The following UBE2N variants were observed in gnomAD, a reference collection of about 807,000 sequenced individuals.
UBE2N encodes the protein ubiquitin conjugating enzyme E2 N.
For synonymous variants in UBE2N, 70 were observed against 69.2 expected (o/e 1.01, Z -0.06); for missense variants, 60 against 192.1 (o/e 0.31, Z 4.07).
intron 1 of UBE2N, among the ~76,000 whole-genome samples, chr12:93,412,381 T>C (rs73366050): frequency 0.13 from 19,066 of 152,260 alleles, 3,836 homozygotes; most frequent in African/African-American, 0.43. Flanking sequence ...TACACTCTGG[T>C]TTTTCTCCTG....
intron 1 of UBE2N, chr12:93,429,340 A>T: frequency 2.4e-6 from 1 of 415,334 alleles, no homozygotes; most frequent in Non-Finnish European, 4.7e-6. Context: ...GATAACTCTA[A>T]CATATTTTTA....
chr12:93,441,353 T>A (rs1267989910), intron 1 of UBE2N: 1 of 153,474 alleles, frequency 6.5e-6, no homozygotes, highest in South Asian at 2.0e-4. Flanking sequence ...GGCCTGACCC[T>A]CCCGGTTCAT....
chr12:93,440,559 T>C (rs1437741857), intron 1 of UBE2N, among the ~76,000 whole-genome samples: 2 of 152,218 alleles, frequency 1.3e-5, no homozygotes, highest in Non-Finnish European at 2.9e-5. Context: ...CAGTACATCA[T>C]CCTCGAAGCC....
At chr12:93,415,761 G>C (rs1400496835) in intron 1 of UBE2N, among the ~76,000 whole-genome samples, 3 of 152,038 alleles carry the variant, frequency 2.0e-5, no homozygotes. Flanking sequence ...AAAAAAGAAA[G>C]CCAGGGCCCA....
At chr12:93,419,555 AATG>A (rs1023306544) in intron 1 of UBE2N, among the ~76,000 whole-genome samples, 205 of 152,052 alleles carry the variant, frequency 1.3e-3, no homozygotes, top group African/African-American at 4.6e-3. Flanking sequence ...AAGCTAACTG[AATG>A]ATGAAGTAAA....
chr12:93,432,292 TA>T (rs1158479519), intron 1 of UBE2N, among the ~76,000 whole-genome samples: 1 of 152,124 alleles, frequency 6.6e-6, no homozygotes, highest in Non-Finnish European at 1.5e-5. Context: ...AAATGCATAT[TA>T]TGCATTCAAT....
chr12:93,423,587 G>C (rs1471319568), intron 1 of UBE2N, among the ~76,000 whole-genome samples: 2 of 152,170 alleles, frequency 1.3e-5, no homozygotes, highest in Non-Finnish European at 2.9e-5. Flanking sequence ...AGGGGGAAGA[G>C]GCTCAAGAGT....
chr12:93,412,204 C>T (rs1436585123), intron 1 of UBE2N, among the ~76,000 whole-genome samples: 1 of 152,138 alleles, frequency 6.6e-6, no homozygotes, highest in Non-Finnish European at 1.5e-5. Flanking sequence ...TTCTCCCTCT[C>T]CCCTAAATAA....
At position 93,426,139 on chromosome 12, in the gene UBE2N, A is replaced by G. The variant is rs562522778; in HGVS notation, c.31-14840T>C. Among the ~76,000 whole-genome samples the G allele has an allele frequency of 9.2e-5, 14 of 152,314 alleles. No homozygotes were observed. The East Asian group carries it at 1.5e-3, about 17-fold the overall frequency. On this transcript the variant is annotated intron_variant, in intron 1 of 3. Transcript: ENST00000318066. ...ATTTCAGATTATCTCGTCCTGCACT[A>G]CTAAGCCAGAAGAGGAAATGATCCA...
At position 93,408,309 on chromosome 12, in the gene UBE2N, T is replaced by G. The variant is rs1420058982; in HGVS notation, c.*1730A>C. The G allele has an allele frequency of 6.6e-6, 1 of 152,248 alleles. No homozygotes were observed. The highest frequency in any genetic ancestry group is 2.4e-5 in the African/African-American group (1 of 41,474). 9.4% of individuals were successfully genotyped at this position (152,248 alleles called of 1,614,324 possible). A position where few individuals can be genotyped will look rare whatever the true frequency, so the allele number is the denominator to read the frequency against. ...ATTTCATTCTGAATTAAGCTAACAT[T>G]TGTTACCAAGCAATGCATTTATTTG... On this transcript the variant is annotated 3_prime_UTR_variant, in exon 4 of 4. Coordinates refer to ENST00000318066, the MANE Select transcript of UBE2N (RefSeq NM_003348.4).
intron 1 of UBE2N, among the ~76,000 whole-genome samples, chr12:93,412,041 C>T (rs61934301): frequency 0.1 from 15,508 of 151,960 alleles, 933 homozygotes; most frequent in Middle Eastern, 0.17. Context: ...AAAAATGTAA[C>T]GGACTAAAGA....
chr12:93,410,571 T>C (rs1878004181), intron 3 of UBE2N, 163 bp downstream of exon 3: 3 of 1,074,130 alleles, frequency 2.8e-6, no homozygotes, highest in African/African-American at 1.6e-5. Context: ...GGGGGTCCCA[T>C]AGCAAGCCAT....
At chr12:93,428,684 C>A (rs967806797) in intron 1 of UBE2N, among the ~76,000 whole-genome samples, 1 of 152,176 alleles carries the variant, frequency 6.6e-6, no homozygotes, top group Non-Finnish European at 1.5e-5. Context: ...GTTGGGCTGG[C>A]AATGTTAAAT....
intron 1 of UBE2N, among the ~76,000 whole-genome samples, chr12:93,421,065 C>A (rs1180820328): frequency 6.6e-6 from 1 of 152,180 alleles, no homozygotes. Context: ...ATTTAATCCT[C>A]ATACTCATTT....
chr12:93,424,031 A>T (rs546538014), intron 1 of UBE2N, among the ~76,000 whole-genome samples: 66 of 152,304 alleles, frequency 4.3e-4, no homozygotes, highest in African/African-American at 1.6e-3. Context: ...AATAACCAAA[A>T]TCCAATTAAC....
At chr12:93,430,048 C>T (rs1372683733) in intron 1 of UBE2N, among the ~76,000 whole-genome samples, 3 of 152,160 alleles carry the variant, frequency 2.0e-5, no homozygotes, top group Non-Finnish European at 4.4e-5. Context: ...CAAATCCACT[C>T]ACCACTCACT....
At position 93,411,144 on chromosome 12, in the gene UBE2N, G is replaced by A. The variant is rs1358571911; in HGVS notation, c.186C>T (p.Tyr62=). The A allele has an allele frequency of 3.1e-6, 5 of 1,614,204 alleles. No homozygotes were observed. The East Asian group carries it at 1.1e-4, about 36-fold the overall frequency. Residue 62 remains tyrosine (Y), a synonymous_variant, in exon 2 of 4, where the codon TAC becomes TAT. Transcript: ENST00000318066. ...FKLELFLPEE[Y]PMAAPKVRFM... ...AACGTACTTTAGGGGCTGCCATTGG[G>A]TATTCTTCTGGAAGGAATAGTTCAA...
chr12:93,441,157 C>T (rs1692154599), intron 1 of UBE2N: 1 of 152,366 alleles, frequency 6.6e-6, no homozygotes, highest in Non-Finnish European at 1.5e-5. Context: ...AGTAAAATCA[C>T]TTCGCAGAGA....
chr12:93,427,978 C>A (rs897367161), intron 1 of UBE2N, among the ~76,000 whole-genome samples: 2 of 152,142 alleles, frequency 1.3e-5, no homozygotes, highest in Non-Finnish European at 2.9e-5. Context: ...TATAGTGACA[C>A]AATCTTGGCT....
Sources: allele counts gnomAD v4.1 joint callset (sites outside exome capture counted in the v4.1 genomes callset), GRCh38; gene constraint gnomAD v4.1.1; transcripts MANE v1.5; gene names NCBI Gene and HGNC (gene_info 2026-07-23, HGNC 2026-07-21).